The following SCMH1 variants were observed in gnomAD, a reference collection of about 807,000 sequenced individuals.
The protein encoded by SCMH1 is Scm polycomb group protein homolog 1.
A neutral mutation model predicts 70.8 loss-of-function variants in SCMH1; 37 were observed. That is an observed-to-expected ratio of 0.52 (90% CI 0.40 to 0.69). The LOEUF is 0.69. SCMH1 is among the 30% of genes least tolerant of loss of function. The pLI is 0.00. For synonymous variants in SCMH1, 292 were observed against 307.4 expected (o/e 0.95, Z 0.52); for missense variants, 607 against 827.3 (o/e 0.73, Z 3.27).
chr1:41,049,470 G>T (rs1364997193), intron 10 of SCMH1, among the ~76,000 whole-genome samples: 2 of 151,228 alleles, frequency 1.3e-5, no homozygotes, highest in Admixed American at 1.3e-4. Context: ...AAAAAAATTG[G>T]ATTAAAAAAA....
chr1:41,129,186 AT>A (rs980800643), intron 6 of SCMH1, among the ~76,000 whole-genome samples: 3 of 151,678 alleles, frequency 2.0e-5, no homozygotes, highest in Admixed American at 6.6e-5. Context: ...ATGCCTGGTA[AT>A]TTTTTTTGTG....
At chr1:41,152,580 G>C in intron 4 of SCMH1, 2 of 1,613,358 alleles carry the variant, frequency 1.2e-6, no homozygotes, top group Non-Finnish European at 8.5e-7. Flanking sequence ...CCAATTACCA[G>C]TCTCCCCCTA....
At chr1:41,162,412 C>T (rs1473698926) in intron 2 of SCMH1, among the ~76,000 whole-genome samples, 1 of 152,154 alleles carries the variant, frequency 6.6e-6, no homozygotes, top group African/African-American at 2.4e-5. Flanking sequence ...GCTGAACTGC[C>T]AGTCCTGCAG....
chr1:41,034,837 C>T (rs1256550498), intron 13 of SCMH1, among the ~76,000 whole-genome samples: 2 of 152,192 alleles, frequency 1.3e-5, no homozygotes, highest in African/African-American at 4.8e-5. Flanking sequence ...TCTTCCTTCT[C>T]ACTGTTACTC....
At chr1:41,177,645 G>A (rs1207208129) in intron 2 of SCMH1, among the ~76,000 whole-genome samples, 2 of 152,164 alleles carry the variant, frequency 1.3e-5, no homozygotes, top group Admixed American at 1.3e-4. Flanking sequence ...ACCAGTGATG[G>A]AAGATCAAAT....
intron 1 of SCMH1, among the ~76,000 whole-genome samples, chr1:41,205,090 T>C (rs1055223608): frequency 6.6e-6 from 1 of 152,210 alleles, no homozygotes; most frequent in Non-Finnish European, 1.5e-5. Context: ...GATGGCTGAA[T>C]AGGAACAGCT....
At chr1:41,118,138 T>G (rs147499109) in intron 6 of SCMH1, among the ~76,000 whole-genome samples, 3 of 152,204 alleles carry the variant, frequency 2.0e-5, no homozygotes, top group African/African-American at 4.8e-5. Flanking sequence ...AATCACAGAC[T>G]GTTAAGAAAG....
At chr1:41,078,647 AAAAG>A (rs1659085046) in intron 8 of SCMH1, among the ~76,000 whole-genome samples, 1 of 152,200 alleles carries the variant, frequency 6.6e-6, no homozygotes, top group African/African-American at 2.4e-5. Flanking sequence ...TTAAAGGGCT[AAAAG>A]AAACAGACTA....
chr1:41,065,799 T>C (rs979284693), intron 10 of SCMH1, among the ~76,000 whole-genome samples: 5 of 152,122 alleles, frequency 3.3e-5, no homozygotes, highest in Admixed American at 2.6e-4. Context: ...CCTACACTCT[T>C]GAAAAAAAGT....
chr1:41,099,394 A>G (rs1343093524), intron 8 of SCMH1, among the ~76,000 whole-genome samples: 2 of 152,220 alleles, frequency 1.3e-5, no homozygotes, highest in East Asian at 3.9e-4. Context: ...CATTTCCAAA[A>G]TCACAGATGG....
intron 2 of SCMH1, among the ~76,000 whole-genome samples, chr1:41,182,255 C>T (rs944724079): frequency 1.3e-5 from 2 of 152,044 alleles, no homozygotes; most frequent in Non-Finnish European, 2.9e-5. Flanking sequence ...TGTTGAATGA[C>T]GAGTTAATGG....
intron 6 of SCMH1, among the ~76,000 whole-genome samples, chr1:41,131,718 A>G (rs1228945891): frequency 6.6e-6 from 1 of 151,900 alleles, no homozygotes; most frequent in African/African-American, 2.4e-5. Flanking sequence ...CCCACCCCCC[A>G]GCAGGCCCTG....
chr1:41,048,841 C>A, exon 11 of SCMH1: 1 of 1,614,200 alleles, frequency 6.2e-7, no homozygotes, highest in Non-Finnish European at 8.5e-7. Context: ...GGACCTTCTT[C>A]TTATCTAAGT....
At chr1:41,052,478 T>C (rs1648550781) in intron 10 of SCMH1, among the ~76,000 whole-genome samples, 1 of 152,236 alleles carries the variant, frequency 6.6e-6, no homozygotes, top group South Asian at 2.1e-4. Flanking sequence ...ATGGAACACC[T>C]GTCTTCCATA....
chr1:41,169,998 G>GT (rs1411187611), intron 2 of SCMH1, among the ~76,000 whole-genome samples: 1 of 152,158 alleles, frequency 6.6e-6, no homozygotes, highest in Non-Finnish European at 1.5e-5. Flanking sequence ...CTCCCCCAAT[G>GT]TAAGTTAGTT....
intron 2 of SCMH1, among the ~76,000 whole-genome samples, chr1:41,173,976 A>G (rs1057113877): frequency 2.0e-5 from 3 of 152,152 alleles, no homozygotes; most frequent in Non-Finnish European, 4.4e-5. Context: ...GGCAAATATA[A>G]AAGTACAGCT....
chr1:41,085,270 T>C (rs1214738336), intron 8 of SCMH1, among the ~76,000 whole-genome samples: 1 of 152,000 alleles, frequency 6.6e-6, no homozygotes, highest in African/African-American at 2.4e-5. Context: ...ACCTTATTAA[T>C]AGGTCTAAGA....
chr1:41,128,615 T>C (rs1374753588), intron 6 of SCMH1, among the ~76,000 whole-genome samples: 4 of 152,152 alleles, frequency 2.6e-5, no homozygotes. Flanking sequence ...AGCAATTTGA[T>C]GATGATGTGC....
intron 8 of SCMH1, among the ~76,000 whole-genome samples, chr1:41,082,476 G>A (rs1371268375): frequency 1.3e-5 from 2 of 152,100 alleles, no homozygotes; most frequent in Admixed American, 6.6e-5. Flanking sequence ...AGCTTCATAA[G>A]TGAAGGAGAA....
Sources: gnomAD v4.1 joint callset for allele counts (sites outside exome capture counted in the v4.1 genomes callset) on GRCh38, gnomAD v4.1.1 for gene constraint, MANE v1.5 for transcripts, NCBI Gene and HGNC (gene_info 2026-07-23, HGNC 2026-07-21) for gene names.